Variants in DUOX2 observed in about 807,000 individuals in gnomAD.
DUOX2 encodes dual oxidase 2, also known as NADH/NADPH thyroid oxidase p138-tox.
DUOX2 carries 185 observed loss-of-function variants against 183.3 expected under a neutral mutation model. The ratio of observed to expected loss-of-function variants is 1.01; its 90% CI spans 0.90 to 1.14. The LOEUF (loss-of-function observed/expected upper bound fraction) is 1.14. Among genes scored for constraint, DUOX2 ranks in the 50% most tolerant of loss-of-function variants. DUOX2 has a pLI of 0.00. For synonymous variants in DUOX2, 788 were observed against 812.4 expected, an observed-to-expected ratio of 0.97 and a Z score of 0.51; for missense variants, 1,999 against 2,022.9, an observed-to-expected ratio of 0.99 and a Z score of 0.23.
At chr15:45,113,219 T>A in intron 2 of DUOX2, 123 bp downstream of exon 2, 1 of 1,454,110 alleles carries the variant, frequency 6.9e-7, no homozygotes, top group Non-Finnish European at 9.4e-7. Flanking sequence ...AAGTTTCCCA[T>A]CCCGCTGAGC....
chr15:45,105,805 C>T lies in DUOX2; in HGVS notation c.2172G>A (p.Glu724=). The change falls in exon 18 of 34, where the codon GAG becomes GAA. Residue 724 remains glutamate (E), a synonymous_variant. Coordinates refer to ENST00000389039, the MANE Select transcript of DUOX2 (RefSeq NM_001363711.2). ...GCTGCTGCACAAAGGCGCCCCGTTC[C>T]TCTTCAGAACTAAACAGCAGCACCT... is the stretch of plus-strand genomic sequence containing the variant. The part of the protein sequence containing the change: ...YDLVLLFSSE[E]ERGAFVQQLW... 1.2e-6 allele frequency: 2 copies of T among 1,614,202 alleles called. No individual in the cohort carries two copies. The highest frequency in any genetic ancestry group is 1.7e-6 in the Non-Finnish European group (2 of 1,180,040).
rs372199883 is a variant in DUOX2, at chr15:45,099,804, G to C, written c.3273C>G (p.Ser1091=). The change falls in exon 25 of 34, where the codon TCC becomes TCG. Residue 1091 remains serine, a synonymous_variant. Transcript: ENST00000389039. ...TGAGCAAGATATAAGAGAACATGAA[G>C]GAGACGCTGGCCGCCGTGCCTCGTG... ...ILSRGTAASV[S]FMFSYILLTM... 7.9e-5 allele frequency: 128 copies of C among 1,614,110 alleles called. No individual in the cohort carries two copies. The highest frequency in any genetic ancestry group is 1.1e-4 in the Non-Finnish European group (125 of 1,180,054).
rs1055997284 is a variant in DUOX2 at position 45,103,967 on chromosome 15, T to A, written c.2647A>T (p.Met883Leu). Residue 883 changes from methionine to leucine, a missense_variant, in exon 20 of 34, where the codon ATG (methionine) becomes TTG (leucine). Around this residue, in one of 3 missense-constraint regions of DUOX2, gnomAD observed 1,628 missense variants for 1,608.6 expected, o/e 1.01. Coordinates refer to ENST00000389039, the MANE Select transcript of DUOX2 (RefSeq NM_001363711.2). Reference protein sequence around the residue: ...GFLSKDEFFTMMRSFIEISNN... With the variant: ...GFLSKDEFFTLMRSFIEISNN... ...GAAAGGCACACCCCATACCGCATCA[T>A]GGTGAAGAATTCGTCCTTGGAGAGG... 1 of 1,614,182 alleles carries A rather than the reference T, an allele frequency of 6.2e-7. No homozygotes were observed.
chr15:45,112,498 C>T (rs566013993), intron 4 of DUOX2, 56 bp downstream of exon 4: 47 of 1,597,722 alleles, frequency 2.9e-5, no homozygotes, highest in Non-Finnish European at 3.7e-5. Flanking sequence ...CTGGCCCCTC[C>T]CCCAGGCTGA....
Position 45,108,188 on chromosome 15 carries a change from T to G in DUOX2, c.1433A>C (p.Asp478Ala), listed in dbSNP as rs752301936. The G allele has an allele frequency of 1.2e-6, 2 of 1,614,156 alleles. No homozygotes were observed. Among genetic ancestry groups the G allele is most frequent in the East Asian group, 4.5e-5 (2 of 44,880 alleles). ...LEATAALYNQ[D>A]LSQLELLLGG... ...AAGGAGCAGCTCTAGCTGGGATAGG[T>G]CCTGGTTGTACAGGGCAGCTGTGGC... Residue 478 changes from aspartate to alanine, a missense_variant, in exon 13 of 34, where the codon GAC (aspartate) becomes GCC (alanine). Physicochemically the swap from Asp to Ala is moderately radical, Grantham distance 126. Around this residue, in one of 3 missense-constraint regions of DUOX2, gnomAD observed 1,628 missense variants for 1,608.6 expected, o/e 1.01. Coordinates refer to ENST00000389039, the MANE Select transcript of DUOX2 (RefSeq NM_001363711.2).
Position 45,102,009 on chromosome 15 carries a change from A to T in DUOX2, c.2655-20T>A, listed in dbSNP as rs772737271. 5.0e-6 allele frequency: 8 copies of T among 1,613,654 alleles called. No individual in the cohort carries two copies. The highest frequency in any genetic ancestry group is 5.1e-6 in the Non-Finnish European group (6 of 1,179,888). ...AAGGATCTGGAGGAGGACCAGAGAC[A>T]CAGCAGCCTGTCACCCAGCAAGGTC... On this transcript the variant is annotated intron_variant, in intron 20 of 33. Coordinates refer to ENST00000389039, the MANE Select transcript of DUOX2 (RefSeq NM_001363711.2).
intron 16 of DUOX2, 42 bp downstream of exon 16, chr15:45,106,486 C>T (rs753396650): frequency 2.5e-6 from 4 of 1,607,240 alleles, no homozygotes; most frequent in South Asian, 1.1e-5. Context: ...TGTCTCTCCC[C>T]TCCTCCGTCC....
At chr15:45,104,082 T>C (rs2141148900) in intron 19 of DUOX2, 29 bp from the exon 20 acceptor site, 2 of 1,614,082 alleles carry the variant, frequency 1.2e-6, no homozygotes, top group East Asian at 4.5e-5. Context: ...ATGCAGGTCA[T>C]CTCCTTGCTG....
chr15:45,106,515 A>G lies in DUOX2; in HGVS notation c.1945+13T>C. 1 of 1,613,278 alleles carries G rather than the reference A, an allele frequency of 6.2e-7. No homozygotes were observed. The highest frequency in any genetic ancestry group is 8.5e-7 in the Non-Finnish European group (1 of 1,179,452). On this transcript the variant is annotated intron_variant, in intron 16 of 33. Coordinates refer to ENST00000389039, the MANE Select transcript of DUOX2 (RefSeq NM_001363711.2). ...TCCGTCCCTCCTCCCTCCTCTGCCC[A>G]GCCCCTGCTCACCTGGCACTCCATC...
Position 45,106,600 on chromosome 15 carries a change from G to A in DUOX2, c.1873C>T (p.Arg625Ter), listed in dbSNP as rs770083296. The A allele has an allele frequency of 1.4e-5, 23 of 1,613,748 alleles. No homozygotes were observed. Among genetic ancestry groups the A allele is most frequent in the Admixed American group, 5.0e-5 (3 of 59,974 alleles). ...LSGVVAYFRG[R>*]EHKKLQKKLK... ...TTCTTTTGTAGCTTCTTGTGTTCTCGGCCCCGGAAATAGGCCACCACTCCA... is the reference window on the plus strand; with the variant it reads ...TTCTTTTGTAGCTTCTTGTGTTCTCAGCCCCGGAAATAGGCCACCACTCCA... The change falls in exon 16 of 34, where the codon CGA becomes TGA. Residue 625 changes from arginine (R) to a stop codon, truncating the protein, a stop_gained. Transcript: ENST00000389039. LOFTEE classifies it high-confidence loss of function.
At position 45,100,131 on chromosome 15, in the gene DUOX2, C is replaced by T. The variant is rs138774384; in HGVS notation, c.3103G>A (p.Val1035Met). 6.1e-4 allele frequency: 983 copies of T among 1,614,214 alleles called. No individual in the cohort carries two copies. The highest frequency in any genetic ancestry group is 7.7e-4 in the Non-Finnish European group (909 of 1,180,038). ...ACGATGTGCCTCCGGTAGTTCTCCACGAAGCGCTTGTACTGCTGCAGCTTT... is the reference window on the plus strand; with the variant it reads ...ACGATGTGCCTCCGGTAGTTCTCCATGAAGCGCTTGTACTGCTGCAGCTTT... ...AQKLQQYKRF[V>M]ENYRRHIVCV... Residue 1035 changes from valine to methionine, a missense_variant, in exon 24 of 34, where the codon GTG becomes ATG. Coordinates refer to ENST00000389039, the MANE Select transcript of DUOX2 (RefSeq NM_001363711.2).
At chr15:45,113,186 C>T in intron 2 of DUOX2, 110 bp from the exon 3 acceptor site, 1 of 1,455,034 alleles carries the variant, frequency 6.9e-7, no homozygotes, top group Non-Finnish European at 9.4e-7. Context: ...CCTAACCGGA[C>T]CCAAGTGTCG....
intron 3 of DUOX2, 87 bp from the exon 4 acceptor site, chr15:45,112,805 T>A: frequency 6.3e-7 from 1 of 1,590,312 alleles, no homozygotes. Context: ...TCAACCCCCA[T>A]CCCACTTCAC....
chr15:45,095,631 C>A lies in DUOX2; in HGVS notation c.4081-36G>T, dbSNP rs770824980. 5.0e-6 allele frequency: 8 copies of A among 1,614,074 alleles called. No individual in the cohort carries two copies. In the East Asian group the frequency reaches 1.6e-4, roughly 31 times the overall value. ...AGGGGGGAGATGAAATGAGCCTGAC[C>A]CTGCCCCAGCTCTGAGACCAGAAAC... is the stretch of plus-strand genomic sequence containing the variant. On this transcript the variant is annotated intron_variant, in intron 30 of 33. Coordinates refer to ENST00000389039, the MANE Select transcript of DUOX2 (RefSeq NM_001363711.2).
intron 11 of DUOX2, 96 bp downstream of exon 11, chr15:45,109,428 G>A: frequency 3.0e-6 from 3 of 1,003,012 alleles, no homozygotes; most frequent in Non-Finnish European, 3.2e-6. Context: ...CTGTGTTCCT[G>A]CATCGTGAGC....
In DUOX2 at chr15:45,094,552, G is replaced by A; in HGVS notation, c.4524+11C>T. 1.2e-6 allele frequency: 2 copies of A among 1,611,452 alleles called. No homozygotes were observed. The highest frequency in any genetic ancestry group is 1.7e-6 in the Non-Finnish European group (2 of 1,178,868). On this transcript the variant is annotated intron_variant, in intron 33 of 33. Transcript: ENST00000389039. ...GGCCAGAGTCCCAGGGTGGGAGGGAGTGGGACTGACCTGTGGGTGGACCTC... is the reference window on the plus strand; with the variant it reads ...GGCCAGAGTCCCAGGGTGGGAGGGAATGGGACTGACCTGTGGGTGGACCTC...
chr15:45,113,344 G>T lies in DUOX2; in HGVS notation c.68C>A (p.Ser23Ter). Residue 23 changes from serine (S) to a stop codon, truncating the protein, a stop_gained and splice_region_variant, in exon 2 of 34, where the codon TCG (serine) becomes TAG (stop). Coordinates refer to ENST00000389039, the MANE Select transcript of DUOX2 (RefSeq NM_001363711.2). LOFTEE classifies it high-confidence loss of function. ...GALLTGSLGP[S>*]GSQDALSLPW... ...CGCTAGAGGAGCCTGATACTTGCCC[G>T]ATGGACCCAGGGATCCAGTCAGAAG... 6.4e-7 allele frequency: 1 copy of T among 1,560,774 alleles called. No homozygotes were observed.
In DUOX2 at chr15:45,103,994, AG is replaced by A. The variant is rs1373292521; in HGVS notation, c.2619del (p.Phe874SerfsTer10). On this transcript the variant is annotated frameshift_variant, in exon 20 of 34. Coordinates refer to ENST00000389039, the MANE Select transcript of DUOX2 (RefSeq NM_001363711.2). LOFTEE classifies it high-confidence loss of function. ...GTGAAGAATTCGTCCTTGGAGAGGA[AG>A]CCATTCTCATCCAGGTCATACATGG... Reference protein sequence around the residue: ...MFTMYDLDENGFLSKDEFFTM... With the variant: ...MFTMYDLDENXFLSKDEFFTM... 1 of 1,614,068 alleles carries A rather than the reference AG, an allele frequency of 6.2e-7. No homozygotes were observed. The highest frequency in any genetic ancestry group is 8.5e-7 in the Non-Finnish European group (1 of 1,180,046).
rs930984039 is a variant in DUOX2, at chr15:45,111,778, G to C, written c.503C>G (p.Pro168Arg). 3 of 1,605,024 alleles carry C rather than the reference G, an allele frequency of 1.9e-6. No homozygotes were observed. The African/African-American group carries it at 4.0e-5, about 21-fold the overall frequency. Reference protein sequence around the residue: ...DPETGRSPSNPRDLANQVTGW... With the variant: ...DPETGRSPSNRRDLANQVTGW... ...CCTTCCCCGCCTCACCAGGTCCCGG[G>C]GGTTGCTGGGACTCCGTCCGGTCTC... is the stretch of plus-strand genomic sequence containing the variant. The change falls in exon 5 of 34, where the codon CCC becomes CGC. Residue 168 changes from proline (P) to arginine (R), a missense_variant. By Grantham distance (103) the Pro-to-Arg change is moderately radical (BLOSUM62 -2). Transcript: ENST00000389039.
Sources: allele counts gnomAD v4.1 joint callset, GRCh38; gene constraint gnomAD v4.1.1; regional missense constraint gnomAD v4.1.1; transcripts MANE v1.5; gene names NCBI Gene and HGNC (gene_info 2026-07-23, HGNC 2026-07-21).